LRP1B: variants seen among roughly 807,000 people sequenced by gnomAD.
LRP1B encodes LDL receptor related protein 1B, also known as low-density lipoprotein receptor-related protein 1B.
In LRP1B, 217 loss-of-function variants were observed where a neutral mutation model predicts 556.6. That is an observed-to-expected ratio of 0.39 (90% CI 0.35 to 0.44). LRP1B has a LOEUF of 0.44. LRP1B is among the 20% of genes least tolerant of loss of function. LRP1B has a pLI of 1.00. For missense variants in LRP1B, 5,053 were observed against 5,620.8 expected, an observed-to-expected ratio of 0.90 and a Z score of 3.23; for synonymous variants, 2,047 against 1,865.8, an observed-to-expected ratio of 1.10 and a Z score of -2.50.
At chr2:142,097,049 T>A (rs993680611) in intron 1 of LRP1B, among the ~76,000 whole-genome samples, 5 of 94,432 alleles carry the variant, frequency 5.3e-5, no homozygotes, top group African/African-American at 1.9e-4. Context: ...TTGCTGTAAT[T>A]ATCATTGCAA....
In LRP1B at chr2:141,314,807, A is replaced by ATTTATAT. The variant is rs1265044831; in HGVS notation, c.344-60167_344-60166insATATAAA. On this transcript the variant is annotated intron_variant, in intron 3 of 90. Coordinates refer to ENST00000389484, the MANE Select transcript of LRP1B (RefSeq NM_018557.3). ...CCCCGTCTCAAAAGAAAAAAAAAAA[A>ATTTATAT]ATTTATATATATATATATATGTGTA... Among the ~76,000 whole-genome samples the ATTTATAT allele has an allele frequency of 2.8e-3, 192 of 68,420 alleles. 3 individuals carry two copies. The highest frequency in any genetic ancestry group is 8.1e-3 in the African/African-American group (158 of 19,558). The allele number at this position is 68,420 out of a possible 152,430, so 44.9% of individuals were successfully genotyped here.
chr2:140,513,996 T>C (rs183824954), intron 51 of LRP1B, among the ~76,000 whole-genome samples: 1 of 152,126 alleles, frequency 6.6e-6, no homozygotes, highest in East Asian at 1.9e-4. Flanking sequence ...TTCCTTCTTT[T>C]ACCCCTTAGG....
Position 140,601,439 on chromosome 2 carries a change from C to T in LRP1B, c.6989+11G>A, listed in dbSNP as rs1682667885. Reference sequence around the variant, plus strand: ...ACTATAATGAAGAAATAAAACTACACTGTTTCTTACTTTTGACATTCATCC... The same window carrying T: ...ACTATAATGAAGAAATAAAACTACATTGTTTCTTACTTTTGACATTCATCC... On this transcript the variant is annotated intron_variant, in intron 42 of 90. Coordinates refer to ENST00000389484, the MANE Select transcript of LRP1B (RefSeq NM_018557.3). The T allele has an allele frequency of 5.7e-6, 9 of 1,575,276 alleles. No individual in the cohort carries two copies. The East Asian group carries it at 2.0e-4, about 36-fold the overall frequency.
chr2:141,124,368 T>G (rs1701144688), intron 7 of LRP1B, among the ~76,000 whole-genome samples: 1 of 152,194 alleles, frequency 6.6e-6, no homozygotes, highest in African/African-American at 2.4e-5. Flanking sequence ...ATAGTTAGAA[T>G]GCTTTTAAGA....
intron 66 of LRP1B, among the ~76,000 whole-genome samples, chr2:140,408,147 A>C (rs1684825234): frequency 6.6e-6 from 1 of 151,964 alleles, no homozygotes; most frequent in African/African-American, 2.4e-5. Context: ...AAAGACATGC[A>C]GAATGATATA....
intron 7 of LRP1B, among the ~76,000 whole-genome samples, chr2:141,115,041 G>A (rs2104978007): frequency 6.6e-6 from 1 of 151,876 alleles, no homozygotes; most frequent in Middle Eastern, 3.4e-3. Context: ...AACCAATGAA[G>A]CAAAAATACA....
intron 7 of LRP1B, among the ~76,000 whole-genome samples, chr2:141,101,731 G>C (rs577541126): frequency 5.3e-4 from 80 of 152,152 alleles, no homozygotes; most frequent in Non-Finnish European, 1.0e-4. Context: ...AGTTGCTAGG[G>C]AGCAATAATG....
chr2:140,486,054 C>T (rs763640960), intron 58 of LRP1B, among the ~76,000 whole-genome samples: 9 of 151,824 alleles, frequency 5.9e-5, no homozygotes, highest in Non-Finnish European at 1.3e-4. Flanking sequence ...TGTACACATT[C>T]AGCTGCTGTT....
At chr2:142,040,624 G>GT (rs397770023) in intron 1 of LRP1B, among the ~76,000 whole-genome samples, 73,645 of 143,660 alleles carry the variant, frequency 0.51, 19,144 homozygotes, top group East Asian at 0.68. Context: ...CAGTACTGAG[G>GT]TTTTTTTTTT....
intron 37 of LRP1B, among the ~76,000 whole-genome samples, chr2:140,705,874 T>G (rs887225893): frequency 3.3e-5 from 5 of 152,050 alleles, no homozygotes; most frequent in Non-Finnish European, 7.4e-5. Context: ...AAGTAAAAGG[T>G]TTTAATCCTA....
chr2:141,432,148 G>A (rs1352688668), intron 3 of LRP1B, among the ~76,000 whole-genome samples: 1 of 152,016 alleles, frequency 6.6e-6, no homozygotes, highest in Non-Finnish European at 1.5e-5. Context: ...CAAGTTTACT[G>A]AGGAATTTTC....
intron 32 of LRP1B, among the ~76,000 whole-genome samples, chr2:140,791,519 A>G (rs1690119909): frequency 6.6e-6 from 1 of 152,192 alleles, no homozygotes; most frequent in African/African-American, 2.4e-5. Context: ...GAATCAAAGT[A>G]ATGTGAATAT....
At chr2:142,044,143 G>A (rs1282271999) in intron 1 of LRP1B, among the ~76,000 whole-genome samples, 2 of 151,636 alleles carry the variant, frequency 1.3e-5, no homozygotes, top group Non-Finnish European at 1.5e-5. Flanking sequence ...TGGGTCCATT[G>A]TCTAGAACTT....
chr2:141,093,081 T>C (rs563152412), intron 7 of LRP1B, among the ~76,000 whole-genome samples: 1 of 151,622 alleles, frequency 6.6e-6, no homozygotes, highest in East Asian at 1.9e-4. Flanking sequence ...TAGGGGAAAT[T>C]ATGGCACGAT....
intron 7 of LRP1B, among the ~76,000 whole-genome samples, chr2:141,097,424 G>T (rs1322314555): frequency 6.6e-6 from 1 of 152,032 alleles, no homozygotes; most frequent in African/African-American, 2.4e-5. Context: ...ACTTCAAAGA[G>T]GGGGAGTAAG....
chr2:140,872,092 T>C (rs1181549681), intron 25 of LRP1B, among the ~76,000 whole-genome samples: 4 of 151,032 alleles, frequency 2.6e-5, no homozygotes, highest in South Asian at 2.1e-4. Context: ...ATTTTTTTTT[T>C]TTTTTTGAGC....
intron 3 of LRP1B, among the ~76,000 whole-genome samples, chr2:141,333,312 G>A (rs957386246): frequency 6.6e-6 from 1 of 151,988 alleles, no homozygotes; most frequent in Admixed American, 6.6e-5. Flanking sequence ...TAATTTAATG[G>A]TAGAATCATT....
At chr2:140,675,298 T>C (rs1685632670) in intron 41 of LRP1B, among the ~76,000 whole-genome samples, 1 of 152,212 alleles carries the variant, frequency 6.6e-6, no homozygotes, top group Non-Finnish European at 1.5e-5. Flanking sequence ...CATATAAAAC[T>C]GACCAGCACA....
intron 6 of LRP1B, among the ~76,000 whole-genome samples, chr2:141,214,786 G>A (rs1011314081): frequency 6.6e-6 from 1 of 152,132 alleles, no homozygotes; most frequent in African/African-American, 2.4e-5. Flanking sequence ...AAAGCCGGTA[G>A]TCACTAAGAA....
Sources: gnomAD v4.1 joint callset for allele counts (sites outside exome capture counted in the v4.1 genomes callset) on GRCh38, gnomAD v4.1.1 for gene constraint, MANE v1.5 for transcripts, NCBI Gene and HGNC (gene_info 2026-07-23, HGNC 2026-07-21) for gene names.